SSX2IP: variants seen among roughly 807,000 people sequenced by gnomAD.
SSX2IP encodes the protein SSX family member 2 interacting protein, also known as afadin- and alpha-actinin-binding protein.
Under a neutral mutation model 84.9 loss-of-function variants are expected in SSX2IP, and 55 were observed. That is an observed-to-expected ratio of 0.65 (90% CI 0.52 to 0.81). The LOEUF is 0.81. SSX2IP is among the 30% of genes least tolerant of loss of function. The probability of loss-of-function intolerance (pLI) is 0.00; values close to 1 mark genes in which losing one functional copy is unlikely to be tolerated. For missense variants in SSX2IP, 664 were observed against 705.2 expected (o/e 0.94, Z 0.66); for synonymous variants, 239 against 234.7 (o/e 1.02, Z -0.17).
intron 4 of SSX2IP, among the ~76,000 whole-genome samples, chr1:84,667,632 T>C (rs1652950472): frequency 3.9e-5 from 6 of 152,112 alleles, no homozygotes; most frequent in Admixed American, 3.9e-4. Context: ...GAGATGAGGC[T>C]CCAGCCTTAC....
intron 8 of SSX2IP, among the ~76,000 whole-genome samples, chr1:84,661,411 T>C (rs1326102733): frequency 6.6e-6 from 1 of 150,806 alleles, no homozygotes; most frequent in Non-Finnish European, 1.5e-5. Flanking sequence ...GCTTTCTCCA[T>C]GTTTTTTTTT....
chr1:84,684,990 G>C (rs1270270405), intron 1 of SSX2IP, among the ~76,000 whole-genome samples: 1 of 151,706 alleles, frequency 6.6e-6, no homozygotes, highest in Non-Finnish European at 1.5e-5. Context: ...GGGCCCACAG[G>C]GTTATGCACA....
intron 5 of SSX2IP, among the ~76,000 whole-genome samples, chr1:84,665,564 T>C (rs1256132603): frequency 6.6e-6 from 1 of 152,182 alleles, no homozygotes; most frequent in Admixed American, 6.6e-5. Flanking sequence ...TTGAAATGCA[T>C]TAGTGCTATA....
chr1:84,672,592 G>A (rs1017634039), intron 1 of SSX2IP, among the ~76,000 whole-genome samples: 4 of 152,132 alleles, frequency 2.6e-5, no homozygotes, highest in Non-Finnish European at 5.9e-5. Flanking sequence ...TTGACTGTAA[G>A]TTATACCTCA....
intron 5 of SSX2IP, among the ~76,000 whole-genome samples, chr1:84,664,831 T>G (rs1316903653): frequency 6.6e-6 from 1 of 152,182 alleles, no homozygotes; most frequent in African/African-American, 2.4e-5. Context: ...TATGGAAGTA[T>G]TAAAACGATT....
At chr1:84,662,751 G>A (rs1652215204) in intron 6 of SSX2IP, among the ~76,000 whole-genome samples, 1 of 152,032 alleles carries the variant, frequency 6.6e-6, no homozygotes, top group African/African-American at 2.4e-5. Flanking sequence ...TGGACACTGG[G>A]AATAACAAAA....
intron 1 of SSX2IP, among the ~76,000 whole-genome samples, chr1:84,682,157 T>C (rs373309647): frequency 4.6e-5 from 7 of 152,234 alleles, no homozygotes; most frequent in Admixed American, 2.0e-4. Context: ...CACCATCTGA[T>C]ATTCCATTAT....
chr1:84,676,724 T>C (rs930585686), intron 1 of SSX2IP, among the ~76,000 whole-genome samples: 2 of 126,214 alleles, frequency 1.6e-5, no homozygotes, highest in Admixed American at 8.0e-5. Flanking sequence ...TTTTCCTTTT[T>C]TTTTTTTTTT....
intron 11 of SSX2IP, among the ~76,000 whole-genome samples, chr1:84,654,834 C>CA (rs1416462857): frequency 2.0e-5 from 3 of 151,998 alleles, no homozygotes; most frequent in Non-Finnish European, 2.9e-5. Flanking sequence ...TATTAGAGGA[C>CA]AAACTATGAA....
rs1264670577 is a variant in SSX2IP at position 84,685,750 on chromosome 1, G to A, written c.-90+4621C>T. Reference sequence around the variant, plus strand: ...TTATAAAACAACATGGCTAATGATGGGTTGTACTTACAGATTATTTCTATG... The same window carrying A: ...TTATAAAACAACATGGCTAATGATGAGTTGTACTTACAGATTATTTCTATG... On this transcript the variant is annotated intron_variant, in intron 1 of 13. Transcript: ENST00000342203. Among the ~76,000 whole-genome samples the A allele has an allele frequency of 1.1e-4, 16 of 152,216 alleles. No individual in the cohort carries two copies. In the East Asian group the frequency reaches 2.9e-3, roughly 28 times the overall value.
chr1:84,654,895 A>G (rs1650852387), intron 11 of SSX2IP, among the ~76,000 whole-genome samples: 1 of 152,206 alleles, frequency 6.6e-6, no homozygotes, highest in South Asian at 2.1e-4. Context: ...TAGTACAGCA[A>G]GAGAGGTAGA....
At chr1:84,656,257 C>T (rs904556035) in intron 10 of SSX2IP, 91 bp downstream of exon 10, 6 of 1,299,852 alleles carry the variant, frequency 4.6e-6, no homozygotes, top group East Asian at 2.4e-5. Flanking sequence ...AATACCAGGG[C>T]CTTATGAAAT....
At chr1:84,668,140 A>T (rs1039850392) in intron 4 of SSX2IP, among the ~76,000 whole-genome samples, 5 of 152,196 alleles carry the variant, frequency 3.3e-5, no homozygotes, top group Non-Finnish European at 7.3e-5. Context: ...ATTAGAAGAC[A>T]TCCTGAAGAA....
chr1:84,661,685 G>A (rs1470262721), intron 8 of SSX2IP, among the ~76,000 whole-genome samples: 2 of 152,108 alleles, frequency 1.3e-5, no homozygotes, highest in Non-Finnish European at 2.9e-5. Context: ...AAAGTTAACA[G>A]AAGTTTCACT....
intron 1 of SSX2IP, among the ~76,000 whole-genome samples, chr1:84,673,654 A>G (rs1653894260): frequency 6.6e-6 from 1 of 152,204 alleles, no homozygotes; most frequent in Non-Finnish European, 1.5e-5. Flanking sequence ...ACCAGTGTTA[A>G]ACTACAGTTC....
At chr1:84,660,213 A>T (rs1354835328) in intron 8 of SSX2IP, among the ~76,000 whole-genome samples, 1 of 152,204 alleles carries the variant, frequency 6.6e-6, no homozygotes, top group Non-Finnish European at 1.5e-5. Context: ...TAAAACTAGA[A>T]TATATATTTA....
chr1:84,658,216 G>C (rs1440550349), intron 9 of SSX2IP, 102 bp downstream of exon 9: 4 of 1,270,506 alleles, frequency 3.1e-6, no homozygotes, highest in Non-Finnish European at 4.4e-6. Flanking sequence ...CTGAAGTATA[G>C]TACTTTAGCT....
At chr1:84,679,498 G>A (rs1177523561) in intron 1 of SSX2IP, among the ~76,000 whole-genome samples, 1 of 152,162 alleles carries the variant, frequency 6.6e-6, no homozygotes, top group African/African-American at 2.4e-5. Flanking sequence ...CCTTCCTGAT[G>A]TTTTGTGGCC....
At chr1:84,669,609 A>C in intron 4 of SSX2IP, 72 bp downstream of exon 4, 1 of 1,257,730 alleles carries the variant, frequency 8.0e-7, no homozygotes. Flanking sequence ...GAAATATTTA[A>C]TAAAGTCAGT....
Sources: allele counts gnomAD v4.1 joint callset (sites outside exome capture counted in the v4.1 genomes callset), GRCh38; gene constraint gnomAD v4.1.1; transcripts MANE v1.5; gene names NCBI Gene and HGNC (gene_info 2026-07-23, HGNC 2026-07-21).